The following ADCY9 variants were observed in gnomAD, a reference collection of about 807,000 sequenced individuals.
The protein encoded by ADCY9 is adenylate cyclase type 9.
A neutral mutation model predicts 101.5 loss-of-function variants in ADCY9; 50 were observed. The ratio of observed to expected loss-of-function variants is 0.49; its 90% CI spans 0.39 to 0.62. ADCY9 has a LOEUF of 0.62. ADCY9 is among the 20% of genes least tolerant of loss of function. The pLI is 0.00. For missense variants in ADCY9, 1,662 were observed against 1,800.4 expected (o/e 0.92, Z 1.39); for synonymous variants, 905 against 769.3 (o/e 1.18, Z -2.92).
chr16:4,105,984 A>G (rs1352793323), intron 2 of ADCY9, among the ~76,000 whole-genome samples: 1 of 152,188 alleles, frequency 6.6e-6, no homozygotes, highest in Non-Finnish European at 1.5e-5. Flanking sequence ...TCTAGGTCAC[A>G]CTACTGCCAC....
chr16:4,068,640 C>A (rs1317931107), intron 2 of ADCY9, among the ~76,000 whole-genome samples: 2 of 151,940 alleles, frequency 1.3e-5, no homozygotes, highest in African/African-American at 4.8e-5. Flanking sequence ...CGGTGAAACC[C>A]CGTCTCTACT....
At chr16:4,076,178 C>T (rs2056866258) in intron 2 of ADCY9, among the ~76,000 whole-genome samples, 1 of 152,278 alleles carries the variant, frequency 6.6e-6, no homozygotes, top group South Asian at 2.1e-4. Flanking sequence ...GTACTGCAGC[C>T]TGTGCAACAC....
At chr16:4,032,636 T>C (rs973296568) in intron 2 of ADCY9, among the ~76,000 whole-genome samples, 4 of 151,288 alleles carry the variant, frequency 2.6e-5, no homozygotes, top group Admixed American at 2.0e-4. Context: ...CAGCCTCCCA[T>C]GTAGCTGGGA....
chr16:3,956,488 C>CTTTTTTTTTTT (rs1555504577), intron 5 of ADCY9, among the ~76,000 whole-genome samples: 18,834 of 67,366 alleles, frequency 0.28, 4,162 homozygotes, highest in Non-Finnish European at 0.35. Flanking sequence ...GCGCAATGAG[C>CTTTTTTTTTTT]TTTTTTTTTT....
At chr16:4,062,935 AAT>A (rs2056780932) in intron 2 of ADCY9, among the ~76,000 whole-genome samples, 2 of 152,234 alleles carry the variant, frequency 1.3e-5, no homozygotes. Flanking sequence ...TAATTGACAT[AAT>A]AGTTAAACAG....
At chr16:3,971,379 C>T (rs907756186) in intron 10 of ADCY9, among the ~76,000 whole-genome samples, 3 of 152,120 alleles carry the variant, frequency 2.0e-5, no homozygotes, top group African/African-American at 7.2e-5. Flanking sequence ...GAGCAGATTG[C>T]GGAGTCCTGA....
intron 2 of ADCY9, among the ~76,000 whole-genome samples, chr16:4,018,942 G>A (rs1490653779): frequency 5.8e-5 from 1 of 17,134 alleles, no homozygotes; most frequent in African/African-American, 1.0e-4. Context: ...TTTTCTGGAA[G>A]AATCGCAGTT....
intron 2 of ADCY9, among the ~76,000 whole-genome samples, chr16:4,093,794 A>G (rs2056987249): frequency 6.6e-6 from 1 of 152,196 alleles, no homozygotes; most frequent in Non-Finnish European, 1.5e-5. Context: ...AAAAAATCAA[A>G]GAATAGCTTA....
At position 3,963,189 on chromosome 16, in the gene ADCY9, T is replaced by C. The variant is rs1223402502; in HGVS notation, c.*2586A>G. On this transcript the variant is annotated 3_prime_UTR_variant, in exon 11 of 11. Coordinates refer to ENST00000294016, the MANE Select transcript of ADCY9 (RefSeq NM_001116.4). ...GCTGGGACTGAGAAGAAAATAGCAA[T>C]TGCAACTCAAAGCAACTATTTACAC... 2.9e-6 allele frequency: 1 copy of C among 344,118 alleles called. No homozygotes were observed. Among genetic ancestry groups the C allele is most frequent in the Non-Finnish European group, 5.1e-6 (1 of 196,582 alleles). The allele number at this position is 344,118 out of a possible 1,614,324, so 21.3% of individuals were successfully genotyped here.
intron 2 of ADCY9, among the ~76,000 whole-genome samples, chr16:4,011,727 G>A (rs939608516): frequency 1.3e-5 from 2 of 151,900 alleles, no homozygotes; most frequent in African/African-American, 2.4e-5. Context: ...CTGCTTCATC[G>A]CTGCCTCTCA....
intron 2 of ADCY9, among the ~76,000 whole-genome samples, chr16:4,099,225 G>A (rs1462387873): frequency 6.6e-6 from 1 of 152,004 alleles, no homozygotes; most frequent in Non-Finnish European, 1.5e-5. Flanking sequence ...GAACCACCAC[G>A]CCCGGCCTTT....
At chr16:4,067,514 GGA>G (rs2056807835) in intron 2 of ADCY9, among the ~76,000 whole-genome samples, 1 of 152,078 alleles carries the variant, frequency 6.6e-6, no homozygotes, top group African/African-American at 2.4e-5. Context: ...CTTCAAATTA[GGA>G]GAGTTACCAA....
intron 2 of ADCY9, among the ~76,000 whole-genome samples, chr16:4,043,195 C>T (rs1002399567): frequency 6.6e-5 from 10 of 152,160 alleles, no homozygotes; most frequent in African/African-American, 2.4e-4. Context: ...GGCGCCACTG[C>T]ACTCCAGCCT....
At chr16:4,013,917 C>A (rs1241902556) in intron 2 of ADCY9, among the ~76,000 whole-genome samples, 2 of 152,100 alleles carry the variant, frequency 1.3e-5, no homozygotes, top group Non-Finnish European at 2.9e-5. Flanking sequence ...TCATATGCAC[C>A]ATAAATAATC....
chr16:4,048,247 T>C (rs1273171626), intron 2 of ADCY9, among the ~76,000 whole-genome samples: 2 of 152,236 alleles, frequency 1.3e-5, no homozygotes, highest in Non-Finnish European at 2.9e-5. Context: ...TGCACTGCCA[T>C]TTTAAAATGA....
rs770583603 is a variant in ADCY9, at chr16:3,966,413, C to T, written c.3424G>A (p.Ala1142Thr). 1.1e-5 allele frequency: 18 copies of T among 1,613,960 alleles called. No homozygotes were observed. The highest frequency in any genetic ancestry group is 1.0e-4 in the Admixed American group (6 of 59,994). The change falls in exon 11 of 11, where the codon GCC becomes ACC. Residue 1142 changes from alanine to threonine, a missense_variant. By Grantham distance (58) the Ala-to-Thr change is moderately conservative. This residue lies in a region of ADCY9 where 220 missense variants were observed against 312.9 expected (regional missense o/e 0.70). Coordinates refer to ENST00000294016, the MANE Select transcript of ADCY9 (RefSeq NM_001116.4). ...QEHLQILFEF[A>T]KEMMRVVDDF... Reference sequence around the variant, plus strand: ...TCCACCACGCGCATCATCTCCTTGGCGAACTCGAACAGGATCTGCAGGTGC... The same window carrying T: ...TCCACCACGCGCATCATCTCCTTGGTGAACTCGAACAGGATCTGCAGGTGC...
chr16:4,070,928 CAGAG>C (rs533085331), intron 2 of ADCY9, among the ~76,000 whole-genome samples: 1 of 152,172 alleles, frequency 6.6e-6, no homozygotes, highest in African/African-American at 2.4e-5. Flanking sequence ...GTCTTGGCAA[CAGAG>C]AGAGTCTCCG....
intron 3 of ADCY9, among the ~76,000 whole-genome samples, chr16:4,005,254 G>A (rs1308100429): frequency 1.3e-5 from 2 of 152,130 alleles, no homozygotes; most frequent in South Asian, 2.1e-4. Flanking sequence ...GACAGGACAA[G>A]GTCTCACTCT....
intron 5 of ADCY9, among the ~76,000 whole-genome samples, chr16:3,957,405 A>G (rs2055913624): frequency 6.6e-6 from 1 of 152,208 alleles, no homozygotes; most frequent in Non-Finnish European, 1.5e-5. Context: ...TTACTGGCGG[A>G]AAAGTCATTC....
Sources: allele counts gnomAD v4.1 joint callset (sites outside exome capture counted in the v4.1 genomes callset), GRCh38; gene constraint gnomAD v4.1.1; regional missense constraint gnomAD v4.1.1; transcripts MANE v1.5; gene names NCBI Gene and HGNC (gene_info 2026-07-23, HGNC 2026-07-21).